Variants in ZNF786 observed in about 807,000 individuals in gnomAD.
ZNF786 encodes the protein zinc finger protein 786.
Under a neutral mutation model 63.1 loss-of-function variants are expected in ZNF786, and 56 were observed. That is an observed-to-expected ratio of 0.89 (90% CI 0.72 to 1.11). ZNF786 has a LOEUF of 1.11. Ranked by LOEUF, ZNF786 falls within the 50% of genes least tolerant of loss-of-function variation. The pLI is 0.00. For missense variants in ZNF786, 1,213 were observed against 1,041.8 expected (o/e 1.16, Z -2.26); for synonymous variants, 485 against 406.9 (o/e 1.19, Z -2.31).
At chr7:149,077,497 G>A (rs572227394) in intron 2 of ZNF786, among the ~76,000 whole-genome samples, 34 of 152,116 alleles carry the variant, frequency 2.2e-4, no homozygotes, top group African/African-American at 7.2e-4. Flanking sequence ...GCGTGGTGGC[G>A]GGCGCCTGTA....
In ZNF786 at chr7:149,071,219, A is replaced by T; in HGVS notation, c.1553T>A (p.Phe518Tyr). 2 of 1,610,786 alleles carry T rather than the reference A, an allele frequency of 1.2e-6. No individual in the cohort carries two copies. The highest frequency in any genetic ancestry group is 1.7e-6 in the Non-Finnish European group (2 of 1,178,038). Residue 518 changes from phenylalanine to tyrosine, a missense_variant, in exon 4 of 4, where the codon TTC becomes TAC. By Grantham distance (22) the Phe-to-Tyr change is conservative. Coordinates refer to ENST00000491431, the MANE Select transcript of ZNF786 (RefSeq NM_152411.4). ...PFSCSECGRGFTHQCKLREHL... is the reference protein window; with the variant it reads ...PFSCSECGRGYTHQCKLREHL... ...CTCACGGAGCTTGCACTGGTGGGTG[A>T]AGCCTCTGCCACACTCGCTACAGGA...
At chr7:149,087,008 A>G (rs1825750341) in intron 1 of ZNF786, among the ~76,000 whole-genome samples, 1 of 152,058 alleles carries the variant, frequency 6.6e-6, no homozygotes, top group African/African-American at 2.4e-5. Flanking sequence ...ATGCTCGGCT[A>G]ATTTTTGTAT....
chr7:149,084,455 T>C (rs915381629), intron 1 of ZNF786, among the ~76,000 whole-genome samples: 1 of 149,252 alleles, frequency 6.7e-6, no homozygotes, highest in East Asian at 1.9e-4. Context: ...CCACCAGCAG[T>C]GTATATGTGT....
rs1825371055 is a variant in ZNF786, at chr7:149,070,047, TA to T, written c.*375del. On this transcript the variant is annotated 3_prime_UTR_variant, in exon 4 of 4. Coordinates refer to ENST00000491431, the MANE Select transcript of ZNF786 (RefSeq NM_152411.4). ...CTGGATTTCTGTGTGCACCTTTTCT[TA>T]AAAATGTTAACAATCACATATAACC... 3 of 171,616 alleles carry T rather than the reference TA, an allele frequency of 1.7e-5. No individual in the cohort carries two copies. Among genetic ancestry groups the T allele is most frequent in the African/African-American group, 7.2e-5 (3 of 41,812 alleles). 10.6% of individuals were successfully genotyped at this position (171,616 alleles called of 1,614,324 possible).
At position 149,080,966 on chromosome 7, in the gene ZNF786, T is replaced by C. The variant is rs560395232; in HGVS notation, c.19-249A>G. 7.9e-5 allele frequency among the ~76,000 whole-genome samples: 12 copies of C among 152,340 alleles called. No individual in the cohort carries two copies. The East Asian group carries it at 2.3e-3, about 29-fold the overall frequency. ...TACACATGTAGAGTATGGAATTTTT[T>C]TCTTTACAAAATGGGAACAAGTCAC... On this transcript the variant is annotated intron_variant, in intron 1 of 3. Coordinates refer to ENST00000491431, the MANE Select transcript of ZNF786 (RefSeq NM_152411.4).
intron 3 of ZNF786, among the ~76,000 whole-genome samples, chr7:149,073,308 TGAA>T (rs992847730): frequency 6.6e-6 from 1 of 152,144 alleles, no homozygotes; most frequent in Non-Finnish European, 1.5e-5. Context: ...TGACAAGAAA[TGAA>T]AGAGAGGAGC....
intron 1 of ZNF786, among the ~76,000 whole-genome samples, chr7:149,081,390 C>T (rs974667334): frequency 2.2e-5 from 3 of 139,112 alleles, no homozygotes; most frequent in Non-Finnish European, 4.5e-5. Flanking sequence ...GAGCGGAGAT[C>T]GCGCCACCGC....
chr7:149,087,500 G>T (rs760725293), intron 1 of ZNF786, among the ~76,000 whole-genome samples: 9 of 152,200 alleles, frequency 5.9e-5, no homozygotes, highest in Non-Finnish European at 1.2e-4. Flanking sequence ...CGATGCGCAG[G>T]ACAGCCTGCA....
At chr7:149,074,917 T>C (rs1585463336) in intron 2 of ZNF786, among the ~76,000 whole-genome samples, 1 of 152,110 alleles carries the variant, frequency 6.6e-6, no homozygotes, top group South Asian at 2.1e-4. Flanking sequence ...CATGGCTCAC[T>C]GTAGCCTCGG....
In ZNF786 at chr7:149,071,829, G is replaced by A. The variant is rs749956154; in HGVS notation, c.943C>T (p.Arg315Trp). 12 of 1,591,358 alleles carry A rather than the reference G, an allele frequency of 7.5e-6. No homozygotes were observed. The highest frequency in any genetic ancestry group is 1.0e-5 in the Non-Finnish European group (12 of 1,173,620). ...GGCCCCTCCCGGCTGTGCTGGCACC[G>A]GCGAGCCTGCGTGCTGTCCACTGGG... is the stretch of plus-strand genomic sequence containing the variant. The part of the protein sequence containing the change: ...SLPVDSTQAR[R>W]CQHSREGPAS... The change falls in exon 4 of 4, where the codon CGG becomes TGG. Residue 315 changes from arginine (R) to tryptophan (W), a missense_variant. Physicochemically the swap from Arg to Trp is moderately radical, Grantham distance 101. Coordinates refer to ENST00000491431, the MANE Select transcript of ZNF786 (RefSeq NM_152411.4).
intron 2 of ZNF786, among the ~76,000 whole-genome samples, chr7:149,076,698 AAG>A (rs1432415095): frequency 1.4e-5 from 2 of 145,134 alleles, no homozygotes; most frequent in African/African-American, 2.5e-5. Flanking sequence ...CAGCCTGGGC[AAG>A]AGAGAGAGAC....
intron 1 of ZNF786, 68 bp from the exon 2 acceptor site, chr7:149,080,785 G>A: frequency 6.6e-7 from 1 of 1,519,284 alleles, no homozygotes; most frequent in Middle Eastern, 1.8e-4. Context: ...CCTTCTCCTT[G>A]TTAATTTAAA....
intron 2 of ZNF786, among the ~76,000 whole-genome samples, chr7:149,075,302 G>A (rs1825524094): frequency 6.6e-6 from 1 of 152,150 alleles, no homozygotes; most frequent in African/African-American, 2.4e-5. Context: ...GAATGCAGTG[G>A]CATGATCACA....
chr7:149,086,960 GGCCTCCCA>G (rs1186957733), intron 1 of ZNF786, among the ~76,000 whole-genome samples: 6 of 151,466 alleles, frequency 4.0e-5, no homozygotes, highest in Non-Finnish European at 7.4e-5. Flanking sequence ...ATTCTGTCTT[GGCCTCCCA>G]AGCAGCTGGG....
At chr7:149,089,222 G>A (rs527852315) in intron 1 of ZNF786, among the ~76,000 whole-genome samples, 83 of 152,298 alleles carry the variant, frequency 5.4e-4, no homozygotes, top group Admixed American at 1.3e-3. Flanking sequence ...AAAGTGCTGG[G>A]ATTAGAGGCG....
intron 2 of ZNF786, among the ~76,000 whole-genome samples, chr7:149,080,231 C>G (rs1490395652): frequency 6.6e-6 from 1 of 152,056 alleles, no homozygotes; most frequent in African/African-American, 2.4e-5. Flanking sequence ...ACTGTAAAAG[C>G]TGTGAGGTGG....
intron 1 of ZNF786, among the ~76,000 whole-genome samples, chr7:149,085,625 T>A (rs1353114104): frequency 6.6e-6 from 1 of 152,210 alleles, no homozygotes; most frequent in Non-Finnish European, 1.5e-5. Flanking sequence ...ATATAGTTTT[T>A]TTCTAATTGT....
Position 149,072,121 on chromosome 7 carries a change from G to C in ZNF786, c.651C>G (p.Ala217=), listed in dbSNP as rs1272929312. The change falls in exon 4 of 4, where the codon GCC becomes GCG. Residue 217 remains alanine, a synonymous_variant. Coordinates refer to ENST00000491431, the MANE Select transcript of ZNF786 (RefSeq NM_152411.4). ...RGHSKDRTRR[A]WEKFNKRAET... is the part of the protein sequence containing the mutation. Reference sequence around the variant, plus strand: ...CCGCCCTCTTGTTGAATTTCTCCCAGGCCCTACGTGTCCGGTCCTTTGAGT... The same window carrying C: ...CCGCCCTCTTGTTGAATTTCTCCCACGCCCTACGTGTCCGGTCCTTTGAGT... 4.3e-6 allele frequency: 7 copies of C among 1,613,106 alleles called. No homozygotes were observed. The highest frequency in any genetic ancestry group is 1.3e-5 in the African/African-American group (1 of 74,920).
chr7:149,072,395 G>T lies in ZNF786; in HGVS notation c.377C>A (p.Ser126Tyr). The T allele has an allele frequency of 1.2e-6, 2 of 1,613,138 alleles. No homozygotes were observed. Among genetic ancestry groups the T allele is most frequent in the Non-Finnish European group, 8.5e-7 (1 of 1,179,562 alleles). The change falls in exon 4 of 4, where the codon TCC (serine) becomes TAC (tyrosine). Residue 126 changes from serine to tyrosine, a missense_variant. Physicochemically the swap from Ser to Tyr is moderately radical, Grantham distance 144. Coordinates refer to ENST00000491431, the MANE Select transcript of ZNF786 (RefSeq NM_152411.4). ...TTGGTCAGGCCTGAAGGAAACAAAG[G>T]ATCCAAAGGAACACTGGCTTTCAGG... The part of the protein sequence containing the change: ...LDPESQCSFG[S>Y]FVSFRPDQGI...
Sources: allele counts gnomAD v4.1 joint callset (sites outside exome capture counted in the v4.1 genomes callset), GRCh38; gene constraint gnomAD v4.1.1; transcripts MANE v1.5; gene names NCBI Gene and HGNC (gene_info 2026-07-23, HGNC 2026-07-21).